PLA2G4A: variants seen among roughly 807,000 people sequenced by gnomAD.
PLA2G4A encodes the protein phospholipase A2 group IVA.
Under a neutral mutation model 81.9 loss-of-function variants are expected in PLA2G4A, and 40 were observed. The ratio of observed to expected loss-of-function variants is 0.49; its 90% CI spans 0.38 to 0.64. The LOEUF is 0.64. Among genes scored for constraint, PLA2G4A ranks in the 30% least tolerant of loss-of-function variants. The pLI is 0.00. For synonymous variants in PLA2G4A, 302 were observed against 296.9 expected (o/e 1.02, Z -0.18); for missense variants, 715 against 905.1 (o/e 0.79, Z 2.69).
At chr1:186,863,718 A>T (rs1652901911) in intron 2 of PLA2G4A, among the ~76,000 whole-genome samples, 1 of 151,390 alleles carries the variant, frequency 6.6e-6, no homozygotes, top group Non-Finnish European at 1.5e-5. Flanking sequence ...GATTCCACAT[A>T]TGGGTAGATG....
intron 1 of PLA2G4A, among the ~76,000 whole-genome samples, chr1:186,836,678 G>A (rs924175660): frequency 4.6e-5 from 7 of 152,130 alleles, no homozygotes; most frequent in Non-Finnish European, 1.0e-4. Context: ...TGGTCACTGA[G>A]CAGTATGCAT....
intron 5 of PLA2G4A, among the ~76,000 whole-genome samples, chr1:186,895,250 G>A (rs1654292811): frequency 6.6e-6 from 1 of 152,160 alleles, no homozygotes; most frequent in South Asian, 2.1e-4. Flanking sequence ...GACATTTATG[G>A]AATGAATGTG....
At chr1:186,956,512 T>G (rs907767361) in intron 14 of PLA2G4A, among the ~76,000 whole-genome samples, 168 bp downstream of exon 14, 1 of 152,052 alleles carries the variant, frequency 6.6e-6, no homozygotes, top group Non-Finnish European at 1.5e-5. Flanking sequence ...TTTTTGTTGT[T>G]GTTTGTTTGT....
rs1426168728 is a variant in PLA2G4A at position 186,988,359 on chromosome 1, T to C, written c.2119-18T>C. The C allele has an allele frequency of 1.2e-6, 2 of 1,602,106 alleles. No homozygotes were observed. The highest frequency in any genetic ancestry group is 1.7e-6 in the Non-Finnish European group (2 of 1,170,058). ...TTCATAGCAGCGCTAATTATACAAC[T>C]TCTGTCTCTATTTGCAGGTGATAAA... On this transcript the variant is annotated intron_variant, in intron 17 of 17. Transcript: ENST00000367466.
At chr1:186,894,906 T>C (rs1370252822) in intron 5 of PLA2G4A, among the ~76,000 whole-genome samples, 2 of 152,226 alleles carry the variant, frequency 1.3e-5, no homozygotes, top group Admixed American at 1.3e-4. Context: ...AAACAACTGG[T>C]GGGCCTGTAT....
intron 15 of PLA2G4A, among the ~76,000 whole-genome samples, chr1:186,970,641 C>T (rs968686526): frequency 4.6e-5 from 7 of 151,958 alleles, no homozygotes; most frequent in African/African-American, 1.2e-4. Flanking sequence ...TCAGTTTTCC[C>T]GGAACCATTT....
intron 2 of PLA2G4A, among the ~76,000 whole-genome samples, chr1:186,863,410 C>T (rs1222876647): frequency 6.6e-6 from 1 of 152,060 alleles, no homozygotes; most frequent in African/African-American, 2.4e-5. Context: ...TATGATGTTC[C>T]ATTGTATTAT....
intron 17 of PLA2G4A, among the ~76,000 whole-genome samples, chr1:186,985,720 C>T (rs1195852902): frequency 6.6e-6 from 1 of 151,902 alleles, no homozygotes; most frequent in African/African-American, 2.4e-5. Flanking sequence ...TACTGAATGG[C>T]ACAAGTGAAA....
At chr1:186,899,434 G>T (rs560909892) in intron 5 of PLA2G4A, among the ~76,000 whole-genome samples, 2 of 152,246 alleles carry the variant, frequency 1.3e-5, no homozygotes, top group African/African-American at 4.8e-5. Context: ...AAAGGGTGTG[G>T]TTGAGGTGGT....
intron 3 of PLA2G4A, among the ~76,000 whole-genome samples, chr1:186,880,310 A>T (rs1273912767): frequency 2.0e-5 from 3 of 152,046 alleles, no homozygotes; most frequent in Non-Finnish European, 4.4e-5. Context: ...TGGAAAAGAA[A>T]ATCATAAGAA....
At chr1:186,866,106 A>G (rs1479844099) in intron 2 of PLA2G4A, among the ~76,000 whole-genome samples, 1 of 152,176 alleles carries the variant, frequency 6.6e-6, no homozygotes, top group Non-Finnish European at 1.5e-5. Context: ...TTGTGAATTC[A>G]GTAATATAAT....
At chr1:186,968,895 C>T (rs1233597580) in intron 15 of PLA2G4A, among the ~76,000 whole-genome samples, 2 of 16,870 alleles carry the variant, frequency 1.2e-4, no homozygotes, top group Non-Finnish European at 3.8e-4. Context: ...ATATTAAAGA[C>T]GAAGTAAAAA....
chr1:186,829,304 T>A (rs12095150), intron 1 of PLA2G4A, among the ~76,000 whole-genome samples: 26 of 152,140 alleles, frequency 1.7e-4, no homozygotes, highest in African/African-American at 5.6e-4. Flanking sequence ...TGGGTTGGAA[T>A]CCCAGAAAGT....
At chr1:186,966,499 C>T (rs1157085550) in intron 15 of PLA2G4A, among the ~76,000 whole-genome samples, 3 of 151,888 alleles carry the variant, frequency 2.0e-5, no homozygotes, top group Admixed American at 6.6e-5. Context: ...GTGATGACTT[C>T]GAAGTTTTAT....
chr1:186,961,740 T>A lies in PLA2G4A; in HGVS notation c.1580-3669T>A, dbSNP rs555221514. Among the ~76,000 whole-genome samples the A allele has an allele frequency of 3.5e-3, 532 of 152,260 alleles. 5 individuals carry two copies. Among genetic ancestry groups the A allele is most frequent in the Middle Eastern group, 0.027 (8 of 294 alleles). On this transcript the variant is annotated intron_variant, in intron 14 of 17. Coordinates refer to ENST00000367466, the MANE Select transcript of PLA2G4A (RefSeq NM_024420.3). Reference sequence around the variant, plus strand: ...TTACACTTTCAGCTAAATTTTTTTTTAAAAACTGAGTTTATGAAGCCAAAA... The same window carrying A: ...TTACACTTTCAGCTAAATTTTTTTTAAAAAACTGAGTTTATGAAGCCAAAA...
At chr1:186,945,188 C>G (rs1372267055) in intron 10 of PLA2G4A, among the ~76,000 whole-genome samples, 1 of 152,000 alleles carries the variant, frequency 6.6e-6, no homozygotes, top group Non-Finnish European at 1.5e-5. Context: ...AAGGGAATAG[C>G]AAGTGTAAGG....
chr1:186,943,789 G>A (rs1010822361), intron 10 of PLA2G4A, among the ~76,000 whole-genome samples: 3 of 152,076 alleles, frequency 2.0e-5, no homozygotes, highest in African/African-American at 7.2e-5. Flanking sequence ...GTATTTGGAG[G>A]CACCAATAGT....
intron 8 of PLA2G4A, 32 bp from the exon 9 acceptor site, chr1:186,938,976 T>A: frequency 9.1e-7 from 1 of 1,104,796 alleles, no homozygotes; most frequent in Non-Finnish European, 1.4e-6. Context: ...ATGCTCTTTA[T>A]CTTTACTGAT....
At chr1:186,875,495 T>C (rs922953226) in intron 3 of PLA2G4A, among the ~76,000 whole-genome samples, 12 of 152,092 alleles carry the variant, frequency 7.9e-5, no homozygotes, top group African/African-American at 2.7e-4. Flanking sequence ...GAACATATTT[T>C]TTATTGTTTC....
Sources: gnomAD v4.1 joint callset for allele counts (sites outside exome capture counted in the v4.1 genomes callset) on GRCh38, gnomAD v4.1.1 for gene constraint, MANE v1.5 for transcripts, NCBI Gene and HGNC (gene_info 2026-07-23, HGNC 2026-07-21) for gene names.